TMPRSS9: variants seen among roughly 807,000 people sequenced by gnomAD.
The protein encoded by TMPRSS9 is transmembrane protease serine 9.
A neutral mutation model predicts 111.4 loss-of-function variants in TMPRSS9; 113 were observed. That is an observed-to-expected ratio of 1.01 (90% CI 0.87 to 1.19). TMPRSS9 has a LOEUF of 1.19. TMPRSS9 is among the 50% of genes most tolerant of loss of function. TMPRSS9 has a pLI of 0.00. For synonymous variants in TMPRSS9, 805 were observed against 659.1 expected (o/e 1.22, Z -3.39); for missense variants, 1,803 against 1,513.1 (o/e 1.19, Z -3.18).
intron 1 of TMPRSS9, among the ~76,000 whole-genome samples, chr19:2,390,404 C>T (rs967949098): frequency 3.3e-5 from 5 of 150,142 alleles, no homozygotes; most frequent in South Asian, 2.1e-4. Flanking sequence ...CCACCACCCC[C>T]GGCTAATTTT....
intron 7 of TMPRSS9, among the ~76,000 whole-genome samples, chr19:2,406,550 G>C (rs1396540115): frequency 6.8e-6 from 1 of 148,134 alleles, no homozygotes; most frequent in Non-Finnish European, 1.5e-5. Context: ...GGCCAGGCTG[G>C]TCTCGAACTC....
At chr19:2,360,978 A>T (rs1970191296) in intron 1 of TMPRSS9, among the ~76,000 whole-genome samples, 1 of 144,804 alleles carries the variant, frequency 6.9e-6, no homozygotes, top group South Asian at 2.2e-4. Flanking sequence ...TAGTTCCTGG[A>T]GGGGCCTGGG....
chr19:2,391,815 C>T (rs111880744), intron 1 of TMPRSS9, among the ~76,000 whole-genome samples: 2,180 of 150,902 alleles, frequency 0.014, 37 homozygotes, highest in Middle Eastern at 0.045. Flanking sequence ...AATCTCAGCT[C>T]ATCACAACCT....
intron 1 of TMPRSS9, among the ~76,000 whole-genome samples, chr19:2,367,172 C>T (rs1329934020): frequency 1.3e-5 from 2 of 152,120 alleles, no homozygotes; most frequent in African/African-American, 2.4e-5. Context: ...CCAACACACA[C>T]TCGGAGAGGG....
At chr19:2,363,802 G>A (rs982094836) in intron 1 of TMPRSS9, among the ~76,000 whole-genome samples, 3 of 142,560 alleles carry the variant, frequency 2.1e-5, no homozygotes, top group Admixed American at 2.1e-4. Flanking sequence ...GTGTGTGTGT[G>A]TGCGTGCGCG....
At chr19:2,408,549 T>G (rs771763488) in exon 8 of TMPRSS9, 1 of 1,613,562 alleles carries the variant, frequency 6.2e-7, no homozygotes, top group Non-Finnish European at 8.5e-7. Flanking sequence ...CCAGCCCGTG[T>G]GCCTCCCGGC....
At position 2,408,276 on chromosome 19, in the gene TMPRSS9, CA is replaced by C; in HGVS notation, c.843-79del. 2.1e-6 allele frequency: 3 copies of C among 1,433,374 alleles called. No individual in the cohort carries two copies. The South Asian group carries it at 3.8e-5, about 18-fold the overall frequency. The allele number at this position is 1,433,374 out of a possible 1,614,324, so 88.8% of individuals were successfully genotyped here. On this transcript the variant is annotated intron_variant, in intron 7 of 17. Transcript: ENST00000648592. ...GTGGGGGGATACCCCTTACATTTTGCACCCAAGGCGAGTGTCCCGTCTGCCT... is the reference window on the plus strand; with the variant it reads ...GTGGGGGGATACCCCTTACATTTTGCCCCAAGGCGAGTGTCCCGTCTGCCT...
At chr19:2,416,554 G>A in exon 12 of TMPRSS9, 1 of 1,609,566 alleles carries the variant, frequency 6.2e-7, no homozygotes. Context: ...GGTGGAGCAG[G>A]TTCGGGCCCA....
chr19:2,363,061 C>T (rs1970214570), intron 1 of TMPRSS9, among the ~76,000 whole-genome samples: 1 of 152,158 alleles, frequency 6.6e-6, no homozygotes, highest in Admixed American at 6.5e-5. Context: ...GTAATTGGGC[C>T]CTGCAGAGCC....
At chr19:2,401,070 C>A (rs368204438) in intron 4 of TMPRSS9, among the ~76,000 whole-genome samples, 1 of 145,504 alleles carries the variant, frequency 6.9e-6, no homozygotes, top group East Asian at 2.0e-4. Context: ...GTCAGGAGAT[C>A]GAGACCATCC....
At chr19:2,419,182 T>TTC (rs543519174) in intron 13 of TMPRSS9, among the ~76,000 whole-genome samples, 3,716 of 122,986 alleles carry the variant, frequency 0.03, 92 homozygotes, top group Middle Eastern at 0.051. Context: ...TTTCCTTTCC[T>TTC]TCTCTCTCTC....
At chr19:2,412,453 A>G (rs1426527750) in intron 9 of TMPRSS9, among the ~76,000 whole-genome samples, 1 of 152,152 alleles carries the variant, frequency 6.6e-6, no homozygotes, top group Non-Finnish European at 1.5e-5. Flanking sequence ...CCGTGATCTT[A>G]TATTTGCTAT....
intron 1 of TMPRSS9, among the ~76,000 whole-genome samples, chr19:2,382,793 G>A (rs141978467): frequency 2.6e-5 from 4 of 152,000 alleles, no homozygotes; most frequent in Non-Finnish European, 4.4e-5. Context: ...ATGCACACCC[G>A]CACACAGACT....
At position 2,418,072 on chromosome 19, in the gene TMPRSS9, C is replaced by G; in HGVS notation, c.2088C>G (p.Tyr696Ter). 6.2e-7 allele frequency: 1 copy of G among 1,612,432 alleles called. No individual in the cohort carries two copies. Residue 696 changes from tyrosine (Y) to a stop codon, truncating the protein, a stop_gained, in exon 13 of 18, where the codon TAC (tyrosine) becomes TAG (stop). Transcript: ENST00000648592. LOFTEE classifies it high-confidence loss of function. ...ACCAGAAAACCTGTAGTGTGCTCTACAACTTCTCCCTCACAGACCGCATGA... is the reference window on the plus strand; with the variant it reads ...ACCAGAAAACCTGTAGTGTGCTCTAGAACTTCTCCCTCACAGACCGCATGA...
rs187978650 is a variant in TMPRSS9, at chr19:2,400,664, C to A, written c.515-1311C>A. ...CAGGTCATGATTGGAGAGTCAGATG[C>A]AAGTTCAGACCATTGTTAAAGATTT... On this transcript the variant is annotated intron_variant, in intron 4 of 17. Coordinates refer to ENST00000648592, the Ensembl canonical transcript of TMPRSS9. 1.1e-3 allele frequency among the ~76,000 whole-genome samples: 162 copies of A among 151,984 alleles called. 2 individuals are homozygous for A. The highest frequency in any genetic ancestry group is 8.7e-3 in the Admixed American group (132 of 15,228).
At chr19:2,414,858 A>G (rs1172403210) in intron 10 of TMPRSS9, among the ~76,000 whole-genome samples, 1 of 148,956 alleles carries the variant, frequency 6.7e-6, no homozygotes, top group Non-Finnish European at 1.5e-5. Context: ...CCGGGCAACA[A>G]GAGCACAACT....
chr19:2,405,065 A>T (rs988093996), intron 6 of TMPRSS9, among the ~76,000 whole-genome samples: 1 of 152,164 alleles, frequency 6.6e-6, no homozygotes, highest in Non-Finnish European at 1.5e-5. Flanking sequence ...AGACAGACAC[A>T]ATATCCTATA....
At chr19:2,375,557 G>A (rs1970326200) in intron 1 of TMPRSS9, among the ~76,000 whole-genome samples, 1 of 151,878 alleles carries the variant, frequency 6.6e-6, no homozygotes, top group South Asian at 2.1e-4. Context: ...ATGGAGGGGT[G>A]GGAACTGTGA....
At chr19:2,380,275 C>T (rs1970376069) in intron 1 of TMPRSS9, among the ~76,000 whole-genome samples, 1 of 148,808 alleles carries the variant, frequency 6.7e-6, no homozygotes, top group African/African-American at 2.6e-5. Context: ...CAGAGTGAAA[C>T]CCTGTCTTAA....
Sources: allele counts gnomAD v4.1 joint callset (sites outside exome capture counted in the v4.1 genomes callset), GRCh38; gene constraint gnomAD v4.1.1; transcripts MANE v1.5; gene names NCBI Gene and HGNC (gene_info 2026-07-23, HGNC 2026-07-21).